Variants in CNDP2 observed in about 807,000 individuals in gnomAD.
The protein encoded by CNDP2 is cytosolic non-specific dipeptidase.
Under a neutral mutation model 55.0 loss-of-function variants are expected in CNDP2, and 38 were observed. The observed-to-expected ratio is 0.69, with a 90% CI of 0.53 to 0.90. CNDP2 has a LOEUF of 0.90. CNDP2 is among the 40% of genes least tolerant of loss of function. CNDP2 has a pLI of 0.00. For missense variants in CNDP2, 607 were observed against 621.7 expected, an observed-to-expected ratio of 0.98 and a Z score of 0.25; for synonymous variants, 241 against 260.2, an observed-to-expected ratio of 0.93 and a Z score of 0.71.
At chr18:74,506,154 G>A in intron 4 of CNDP2, 143 bp downstream of exon 4, 1 of 764,552 alleles carries the variant, frequency 1.3e-6, no homozygotes, top group Non-Finnish European at 1.8e-6. Flanking sequence ...CTTTTTTTGA[G>A]ACAGAGTCTC....
At chr18:74,502,101 G>A (rs1461939031) in intron 3 of CNDP2, among the ~76,000 whole-genome samples, 3 of 152,108 alleles carry the variant, frequency 2.0e-5, no homozygotes, top group Admixed American at 6.6e-5. Context: ...GGCCAGGCTG[G>A]TCTCGAACTC....
chr18:74,497,126 C>T (rs1978458660), intron 1 of CNDP2, among the ~76,000 whole-genome samples: 1 of 152,078 alleles, frequency 6.6e-6, no homozygotes, highest in South Asian at 2.1e-4. Flanking sequence ...AAACCAAACT[C>T]CCCACCGCCT....
intron 7 of CNDP2, among the ~76,000 whole-genome samples, chr18:74,513,151 A>G (rs1031100581): frequency 1.3e-5 from 2 of 152,316 alleles, no homozygotes; most frequent in Non-Finnish European, 2.9e-5. Flanking sequence ...AAAAAGGCAC[A>G]TGGGGCAGTG....
intron 9 of CNDP2, 80 bp from the exon 10 acceptor site, chr18:74,518,419 A>G: frequency 3.2e-6 from 5 of 1,550,604 alleles, no homozygotes; most frequent in Non-Finnish European, 4.4e-6. Context: ...GACCCATGAT[A>G]GCAGACCCGT....
In CNDP2 at chr18:74,501,373, G is replaced by A. The variant is rs2303463; in HGVS notation, c.105G>A (p.Pro35=). 0.2 allele frequency: 326,638 copies of A among 1,613,618 alleles called. 34,642 individuals carry two copies. The highest frequency in any genetic ancestry group is 0.33 in the Admixed American group (19,608 of 59,938). ...CTATCCAGAGTGTGTCTGCGTGGCC[G>A]GAGAAGAGAGGCGAAATCAGGAGGA... ...WVAIQSVSAW[P]EKRGEIRRMM... Residue 35 remains proline (P), a synonymous_variant, in exon 3 of 12, where the codon CCG becomes CCA. Coordinates refer to ENST00000324262, the MANE Select transcript of CNDP2 (RefSeq NM_018235.3).
rs368966230 is a variant in CNDP2, at chr18:74,520,090, C to T, written c.*22C>T. The T allele has an allele frequency of 1.2e-5, 19 of 1,612,952 alleles. No homozygotes were observed. The highest frequency in any genetic ancestry group is 1.4e-5 in the Non-Finnish European group (17 of 1,179,096). On this transcript the variant is annotated 3_prime_UTR_variant, in exon 12 of 12. Coordinates refer to ENST00000324262, the MANE Select transcript of CNDP2 (RefSeq NM_018235.3). ...CTAGGCCAAGCCCTCTGTGTGCCAT[C>T]TCCAATGAGAAGGAATCCTGCCCTC...
At chr18:74,498,801 T>G (rs1257860942) in intron 1 of CNDP2, among the ~76,000 whole-genome samples, 1 of 152,162 alleles carries the variant, frequency 6.6e-6, no homozygotes, top group Admixed American at 6.5e-5. Context: ...GGGAGGTATA[T>G]AACCATTCCA....
At position 74,516,388 on chromosome 18, in the gene CNDP2, AGCAGGCATGTGGGGCT is replaced by A; in HGVS notation, c.1066_1068+13del. The A allele has an allele frequency of 6.2e-7, 1 of 1,609,014 alleles. No homozygotes were observed. The highest frequency in any genetic ancestry group is 1.1e-5 in the South Asian group (1 of 90,520). On this transcript the variant is annotated splice_donor_variant and splice_donor_5th_base_variant and coding_sequence_variant and intron_variant, in exon 9 of 12. Coordinates refer to ENST00000324262, the MANE Select transcript of CNDP2 (RefSeq NM_018235.3). LOFTEE classifies it high-confidence loss of function. ...AACATGACTCCTGAAGTCGTCGGCGAGCAGGCATGTGGGGCTGGGACACGGGGTGGGGGCCAAGAGC... is the reference window on the plus strand; with the variant it reads ...AACATGACTCCTGAAGTCGTCGGCGAGGGACACGGGGTGGGGGCCAAGAGC...
intron 6 of CNDP2, chr18:74,512,191 G>T: frequency 2.3e-6 from 1 of 442,836 alleles, no homozygotes; most frequent in Non-Finnish European, 4.1e-6. Flanking sequence ...TAGGCAGATT[G>T]CCCTGTGGAA....
intron 4 of CNDP2, 160 bp downstream of exon 4, chr18:74,506,171 T>TCTCAA: frequency 1.6e-6 from 1 of 631,228 alleles, no homozygotes; most frequent in Non-Finnish European, 2.2e-6. Flanking sequence ...TCTCACTCTG[T>TCTCAA]AGCTCAGGCT....
In CNDP2 at chr18:74,505,835, C is replaced by T; in HGVS notation, c.205-14C>T. The T allele has an allele frequency of 1.9e-6, 3 of 1,612,798 alleles. No homozygotes were observed. The highest frequency in any genetic ancestry group is 1.1e-5 in the South Asian group (1 of 90,838). On this transcript the variant is annotated splice_polypyrimidine_tract_variant and intron_variant, in intron 3 of 11. Transcript: ENST00000324262. ...ACAAAGGCTGTCCTTGGTTCCTTTC[C>T]TCTCCATGCTCAGCTCCCTGATGGC...
chr18:74,509,793 T>C (rs1190945873), intron 5 of CNDP2, among the ~76,000 whole-genome samples: 1 of 152,256 alleles, frequency 6.6e-6, no homozygotes, highest in East Asian at 1.9e-4. Context: ...TTCCTAGTTG[T>C]GATCATGCTG....
At chr18:74,512,829 G>A (rs1004210767) in intron 7 of CNDP2, among the ~76,000 whole-genome samples, 6 of 152,166 alleles carry the variant, frequency 3.9e-5, no homozygotes, top group African/African-American at 9.7e-5. Flanking sequence ...CTCGAGGCAC[G>A]TGGTGCTGTC....
Position 74,506,292 on chromosome 18 carries a change from G to A in CNDP2, c.367+281G>A, listed in dbSNP as rs138168057. On this transcript the variant is annotated intron_variant, in intron 4 of 11. Coordinates refer to ENST00000324262, the MANE Select transcript of CNDP2 (RefSeq NM_018235.3). ...TGGGATTACGGGCGCCCATCACCAC[G>A]CCTGGCTAGTTTTTTTATTTTTAGT... Among the ~76,000 whole-genome samples, 28 of 152,106 alleles carry A rather than the reference G, an allele frequency of 1.8e-4. No individual in the cohort carries two copies. In the East Asian group the frequency reaches 4.6e-3, roughly 25 times the overall value.
intron 2 of CNDP2, among the ~76,000 whole-genome samples, chr18:74,500,374 C>T (rs1438896854): frequency 1.3e-5 from 2 of 152,162 alleles, no homozygotes; most frequent in Non-Finnish European, 2.9e-5. Context: ...TAACTTAGAG[C>T]ATTATGTTTT....
At chr18:74,512,340 T>G in intron 6 of CNDP2, 108 bp from the exon 7 acceptor site, 1 of 1,027,440 alleles carries the variant, frequency 9.7e-7, no homozygotes, top group Non-Finnish European at 1.4e-6. Context: ...AAATTTTGAT[T>G]TGGGAAATTG....
chr18:74,508,755 G>A lies in CNDP2; in HGVS notation c.368-85G>A, dbSNP rs557949342. ...GCCTCTCTCGTGTTTGCTTGGCTAA[G>A]GGGTTATCAGATGTGCACCTGAGAC... On this transcript the variant is annotated intron_variant, in intron 4 of 11. Coordinates refer to ENST00000324262, the MANE Select transcript of CNDP2 (RefSeq NM_018235.3). 12 of 1,068,566 alleles carry A rather than the reference G, an allele frequency of 1.1e-5. No individual in the cohort carries two copies. The East Asian group carries it at 2.9e-4, about 26-fold the overall frequency. The allele number at this position is 1,068,566 out of a possible 1,614,324, so 66.2% of individuals were successfully genotyped here. A position where few individuals can be genotyped will look rare whatever the true frequency, so the allele number is the denominator to read the frequency against.
rs768769105 is a variant in CNDP2 at position 74,518,978 on chromosome 18, G to C, written c.1240G>C (p.Glu414Gln). Residue 414 changes from glutamate (E) to glutamine (Q), a missense_variant, in exon 11 of 12, where the codon GAA (glutamate) becomes CAA (glutamine). Transcript: ENST00000324262. ...VFGVEPDLTR[E>Q]GGSIPVTLTF... Reference sequence around the variant, plus strand: ...TGGTGTTGAGCCAGACTTGACCAGGGAAGGCGGCAGTATTCCCGTGACCTT... The same window carrying C: ...TGGTGTTGAGCCAGACTTGACCAGGCAAGGCGGCAGTATTCCCGTGACCTT... 1 of 1,614,068 alleles carries C rather than the reference G, an allele frequency of 6.2e-7. No individual in the cohort carries two copies. The highest frequency in any genetic ancestry group is 1.3e-5 in the African/African-American group (1 of 74,930).
chr18:74,498,639 A>G (rs1473365168), intron 1 of CNDP2, among the ~76,000 whole-genome samples: 1 of 152,188 alleles, frequency 6.6e-6, no homozygotes, highest in Non-Finnish European at 1.5e-5. Context: ...CTTTAATGTG[A>G]ACAGGTAGCT....
Sources: gnomAD v4.1 joint callset for allele counts (sites outside exome capture counted in the v4.1 genomes callset) on GRCh38, gnomAD v4.1.1 for gene constraint, MANE v1.5 for transcripts, NCBI Gene and HGNC (gene_info 2026-07-23, HGNC 2026-07-21) for gene names.